The following AGAP1 variants were observed in gnomAD, a reference collection of about 807,000 sequenced individuals.
AGAP1 encodes the protein arf-GAP with GTPase, ANK repeat and PH domain-containing protein 1.
A neutral mutation model predicts 105.3 loss-of-function variants in AGAP1; 29 were observed. The observed-to-expected ratio is 0.28, with a 90% confidence interval of 0.21 to 0.38. The LOEUF is 0.38. Ranked by LOEUF, AGAP1 falls within the 10% of genes least tolerant of loss-of-function variation. The pLI, the probability that AGAP1 is intolerant of heterozygous loss-of-function variation, is 1.00. For synonymous variants in AGAP1, 509 were observed against 485.9 expected (o/e 1.05, Z -0.63); for missense variants, 998 against 1,165.1 (o/e 0.86, Z 2.09).
chr2:235,956,854 TCA>T (rs2053973513), intron 12 of AGAP1, among the ~76,000 whole-genome samples: 1 of 152,242 alleles, frequency 6.6e-6, no homozygotes, highest in African/African-American at 2.4e-5. Flanking sequence ...GCCTTTAGCT[TCA>T]GTTTCTGGGG....
chr2:235,880,330 C>T (rs1311437170), intron 9 of AGAP1, among the ~76,000 whole-genome samples: 2 of 151,996 alleles, frequency 1.3e-5, no homozygotes, highest in African/African-American at 4.8e-5. Context: ...GGGTGTGCGC[C>T]GTGGCCAGCA....
Position 235,739,279 on chromosome 2 carries a change from C to T in AGAP1, c.311-1684C>T, listed in dbSNP as rs1214798873. Among the ~76,000 whole-genome samples the T allele has an allele frequency of 2.0e-5, 3 of 152,228 alleles. No homozygotes were observed. The highest frequency in any genetic ancestry group is 7.2e-5 in the African/African-American group (3 of 41,456). On this transcript the variant is annotated intron_variant, in intron 3 of 17. Transcript: ENST00000304032. The surrounding 1 kb of genome is among the most constrained non-coding windows in gnomAD (Gnocchi z 5.3). Reference sequence around the variant, plus strand: ...TGCAGCACCGTCACATACGTGGGGACGTCCACCTGTGTCAGATGTTTCCCA... The same window carrying T: ...TGCAGCACCGTCACATACGTGGGGATGTCCACCTGTGTCAGATGTTTCCCA...
intron 16 of AGAP1, among the ~76,000 whole-genome samples, chr2:236,111,620 G>A (rs566571834): frequency 7.3e-5 from 11 of 151,546 alleles, no homozygotes; most frequent in South Asian, 6.3e-4. Context: ...GTGCAACCCC[G>A]TCTCTACAAA....
chr2:235,718,123 G>T (rs1351177339), intron 3 of AGAP1, among the ~76,000 whole-genome samples: 3 of 151,900 alleles, frequency 2.0e-5, no homozygotes, highest in South Asian at 2.1e-4. Context: ...TAATCATTTT[G>T]CATGAGAGTA....
Position 236,078,788 on chromosome 2 carries a change from G to A in AGAP1, c.2114+29507G>A, listed in dbSNP as rs1045300337. 1.3e-5 allele frequency among the ~76,000 whole-genome samples: 2 copies of A among 152,128 alleles called. No homozygotes were observed. The highest frequency in any genetic ancestry group is 6.5e-5 in the Admixed American group (1 of 15,280). ...GGATTCCTAAGCTTGAGCCAGACTGGTCGTTCTGCCAGGTTGGTTGCCCAC... is the reference window on the plus strand; with the variant it reads ...GGATTCCTAAGCTTGAGCCAGACTGATCGTTCTGCCAGGTTGGTTGCCCAC... On this transcript the variant is annotated intron_variant, in intron 16 of 17. Coordinates refer to ENST00000304032, the MANE Select transcript of AGAP1 (RefSeq NM_001037131.3). This position sits in a 1 kb window ranked among gnomAD's most constrained non-coding sequence, Gnocchi z 5.3.
Position 235,635,717 on chromosome 2 carries a change from G to A in AGAP1, c.164-73462G>A, listed in dbSNP as rs1013006472. On this transcript the variant is annotated intron_variant, in intron 1 of 17. Coordinates refer to ENST00000304032, the MANE Select transcript of AGAP1 (RefSeq NM_001037131.3). The surrounding 1 kb of genome is among the most constrained non-coding windows in gnomAD (Gnocchi z 5.3). ...TGTGCTATGAGGAGCCACGTTGCCC[G>A]GAAGTCTGATGCGTGAGGCGGGAAG... is the stretch of plus-strand genomic sequence containing the variant. Among the ~76,000 whole-genome samples the A allele has an allele frequency of 6.6e-6, 1 of 152,120 alleles. No homozygotes were observed. The highest frequency in any genetic ancestry group is 1.9e-4 in the East Asian group (1 of 5,188).
rs13025885 is a variant in AGAP1, at chr2:235,564,714, C to G, written c.163+69865C>G. On this transcript the variant is annotated intron_variant, in intron 1 of 17. Coordinates refer to ENST00000304032, the MANE Select transcript of AGAP1 (RefSeq NM_001037131.3). ...CAGGGTCAGGTGTGAGCCTGGACCA[C>G]CACCCAGGGCCAGGTGTGAGCCTGG... Among the ~76,000 whole-genome samples the G allele has an allele frequency of 3.6e-3, 280 of 76,878 alleles. 2 individuals are homozygous for G. Among genetic ancestry groups the G allele is most frequent in the Admixed American group, 0.013 (110 of 8,312 alleles). The allele number at this position is 76,878 out of a possible 152,430, so 50.4% of individuals were successfully genotyped here.
chr2:235,612,600 A>C lies in AGAP1; in HGVS notation c.164-96579A>C, dbSNP rs185291141. On this transcript the variant is annotated intron_variant, in intron 1 of 17. Transcript: ENST00000304032. This position sits in a 1 kb window ranked among gnomAD's most constrained non-coding sequence, Gnocchi z 4.3. The stretch of plus-strand genomic sequence containing the variant: ...GTGGGGGTCTCCCTGACTCCTTAGA[A>C]CCTGCAAATGCATGAAACTCATGTT... 6.6e-6 allele frequency among the ~76,000 whole-genome samples: 1 copy of C among 152,326 alleles called. No individual in the cohort carries two copies. Among genetic ancestry groups the C allele is most frequent in the African/African-American group, 2.4e-5 (1 of 41,574 alleles).
At chr2:235,699,223 C>T (rs75343651) in intron 1 of AGAP1, among the ~76,000 whole-genome samples, 4,836 of 152,150 alleles carry the variant, frequency 0.032, 268 homozygotes, top group African/African-American at 0.11. Flanking sequence ...ATGGGAACAG[C>T]GGATGAGCTG....
intron 8 of AGAP1, among the ~76,000 whole-genome samples, chr2:235,806,533 A>G (rs750268699): frequency 3.3e-5 from 5 of 152,070 alleles, no homozygotes; most frequent in Non-Finnish European, 7.4e-5. Flanking sequence ...GGTGGCAGCC[A>G]CTCGTCGTCC....
At chr2:235,834,636 T>C (rs1387359519) in intron 9 of AGAP1, among the ~76,000 whole-genome samples, 1 of 152,182 alleles carries the variant, frequency 6.6e-6, no homozygotes, top group Non-Finnish European at 1.5e-5. Context: ...TCACATTCAT[T>C]TTCACCAGTT....
chr2:235,539,741 C>T (rs776965464), intron 1 of AGAP1, among the ~76,000 whole-genome samples: 31 of 152,030 alleles, frequency 2.0e-4, no homozygotes, highest in African/African-American at 6.8e-4. Flanking sequence ...AGAGACGCTT[C>T]GGTAAGGGGT....
chr2:235,949,770 C>G (rs1422562617), intron 12 of AGAP1, among the ~76,000 whole-genome samples: 2 of 152,168 alleles, frequency 1.3e-5, no homozygotes, highest in Non-Finnish European at 2.9e-5. Flanking sequence ...CTGAGCTACC[C>G]CAGCCACGCC....
At chr2:235,585,654 T>A (rs1156785666) in intron 1 of AGAP1, among the ~76,000 whole-genome samples, 4 of 152,130 alleles carry the variant, frequency 2.6e-5, no homozygotes, top group Non-Finnish European at 5.9e-5. Flanking sequence ...CAATCTAGGT[T>A]TGGGAAGAGG....
chr2:236,100,635 C>T (rs1277206229), intron 16 of AGAP1, among the ~76,000 whole-genome samples: 2 of 151,920 alleles, frequency 1.3e-5, no homozygotes, highest in South Asian at 2.1e-4. Flanking sequence ...GATCAGCCTG[C>T]CCAACATGGT....
In AGAP1 at chr2:236,012,528, C is replaced by T. The variant is rs80216777; in HGVS notation, c.1646-24033C>T. On this transcript the variant is annotated intron_variant, in intron 13 of 17. Coordinates refer to ENST00000304032, the MANE Select transcript of AGAP1 (RefSeq NM_001037131.3). The surrounding 1 kb of genome is among the most constrained non-coding windows in gnomAD (Gnocchi z 4.9). The stretch of plus-strand genomic sequence containing the variant: ...ATTTCTAAAGCAAACATTTGAGACC[C>T]GGGACAGATTTGGTTTCCTTCGTTC... Among the ~76,000 whole-genome samples, 1,155 of 152,184 alleles carry T rather than the reference C, an allele frequency of 7.6e-3. 19 individuals carry two copies. The highest frequency in any genetic ancestry group is 0.031 in the Middle Eastern group (9 of 294).
At chr2:235,643,042 A>C (rs1947250050) in intron 1 of AGAP1, among the ~76,000 whole-genome samples, 2 of 151,710 alleles carry the variant, frequency 1.3e-5, no homozygotes, top group Admixed American at 6.6e-5. Context: ...GTTGGGACAG[A>C]CTCCAGGGAC....
chr2:235,882,587 C>T lies in AGAP1; in HGVS notation c.1051-758C>T, dbSNP rs1318744596. 2 of 524,852 alleles carry T rather than the reference C, an allele frequency of 3.8e-6. No homozygotes were observed. The highest frequency in any genetic ancestry group is 6.8e-6 in the Non-Finnish European group (2 of 296,006). The allele number at this position is 524,852 out of a possible 1,614,324, so 32.5% of individuals were successfully genotyped here. ...CAAGCAATTCCCCTGCTCAGCCTCC[C>T]CGAGTAGCTGGGATTATAGGTGCCC... is the stretch of plus-strand genomic sequence containing the variant. On this transcript the variant is annotated intron_variant, in intron 9 of 17. Coordinates refer to ENST00000304032, the MANE Select transcript of AGAP1 (RefSeq NM_001037131.3). The surrounding 1 kb of genome is among the most constrained non-coding windows in gnomAD (Gnocchi z 4.6).
intron 5 of AGAP1, among the ~76,000 whole-genome samples, chr2:235,748,894 GA>G (rs1255680888): frequency 7.2e-5 from 11 of 152,282 alleles, no homozygotes; most frequent in Non-Finnish European, 1.2e-4. Context: ...CAAGCCCTAT[GA>G]AAAAGATTCA....
Sources: allele counts gnomAD v4.1 joint callset (sites outside exome capture counted in the v4.1 genomes callset), GRCh38; gene constraint gnomAD v4.1.1; non-coding constraint Gnocchi (gnomAD v3.1); transcripts MANE v1.5; gene names NCBI Gene and HGNC (gene_info 2026-07-23, HGNC 2026-07-21).